Variants in CDH13 observed in about 807,000 individuals in gnomAD.
CDH13 encodes cadherin 13, also known as cadherin-13.
Under a neutral mutation model 63.8 loss-of-function variants are expected in CDH13, and 24 were observed. That is an observed-to-expected ratio of 0.38 (90% CI 0.27 to 0.53). CDH13 has a LOEUF of 0.53. Ranked by LOEUF, CDH13 falls within the 20% of genes least tolerant of loss-of-function variation. The pLI, the probability that CDH13 is intolerant of heterozygous loss-of-function variation, is 0.85. For missense variants in CDH13, 1,049 were observed against 903.1 expected (o/e 1.16, Z -2.07); for synonymous variants, 503 against 355.3 (o/e 1.42, Z -4.67).
At chr16:82,737,851 G>A (rs2033750046) in intron 1 of CDH13, among the ~76,000 whole-genome samples, 1 of 152,202 alleles carries the variant, frequency 6.6e-6, no homozygotes, top group African/African-American at 2.4e-5. Flanking sequence ...TATACAGTGT[G>A]ATGAGTTTGG....
At chr16:82,673,178 T>A (rs77810317) in intron 1 of CDH13, among the ~76,000 whole-genome samples, 2,351 of 152,014 alleles carry the variant, frequency 0.015, 42 homozygotes, top group African/African-American at 0.049. Context: ...CCCCCATCAG[T>A]GTTCGACGAA....
chr16:82,888,497 G>A (rs1455494045), intron 2 of CDH13, among the ~76,000 whole-genome samples: 1 of 152,202 alleles, frequency 6.6e-6, no homozygotes, highest in African/African-American at 2.4e-5. Context: ...GCCTCTGGCA[G>A]CCACTTCTGC....
intron 11 of CDH13, among the ~76,000 whole-genome samples, chr16:83,763,809 C>T (rs1421899988): frequency 6.6e-6 from 1 of 152,106 alleles, no homozygotes; most frequent in Non-Finnish European, 1.5e-5. Flanking sequence ...TTGTCACTGA[C>T]AAAATGGCCC....
At chr16:83,393,821 G>C (rs2091833932) in intron 6 of CDH13, among the ~76,000 whole-genome samples, 1 of 152,158 alleles carries the variant, frequency 6.6e-6, no homozygotes, top group Admixed American at 6.5e-5. Context: ...TCACCCCCTA[G>C]TGGAGGGAGA....
chr16:83,470,261 T>A (rs2151537799), intron 6 of CDH13, among the ~76,000 whole-genome samples: 1 of 152,310 alleles, frequency 6.6e-6, no homozygotes, highest in South Asian at 2.1e-4. Context: ...CTCACCATGT[T>A]GCCCAGGCTA....
At chr16:83,242,497 C>A (rs1237024264) in intron 5 of CDH13, among the ~76,000 whole-genome samples, 1 of 152,142 alleles carries the variant, frequency 6.6e-6, no homozygotes, top group African/African-American at 2.4e-5. Context: ...TTTTCTAAAT[C>A]AGATGTGTTT....
At chr16:83,145,462 T>A (rs1022901228) in intron 4 of CDH13, among the ~76,000 whole-genome samples, 2 of 152,246 alleles carry the variant, frequency 1.3e-5, no homozygotes, top group African/African-American at 2.4e-5. Context: ...TCATGAGGAC[T>A]GTTGCCGTTA....
At chr16:83,318,051 C>A (rs2090142671) in intron 5 of CDH13, among the ~76,000 whole-genome samples, 1 of 152,144 alleles carries the variant, frequency 6.6e-6, no homozygotes, top group Admixed American at 6.5e-5. Flanking sequence ...CCTCAGTTTT[C>A]CCTCTGTGAA....
chr16:82,704,917 T>C (rs936001858), intron 1 of CDH13: 6 of 329,768 alleles, frequency 1.8e-5, no homozygotes, highest in African/African-American at 1.3e-4. Context: ...TTGTTAATTG[T>C]AACAAATCAA....
At chr16:82,745,427 A>G (rs1255026227) in intron 1 of CDH13, among the ~76,000 whole-genome samples, 1 of 152,010 alleles carries the variant, frequency 6.6e-6, no homozygotes, top group Non-Finnish European at 1.5e-5. Context: ...ATACGGTGAA[A>G]CCCCGTCTCT....
At chr16:83,593,496 C>T (rs1180428005) in intron 7 of CDH13, among the ~76,000 whole-genome samples, 1 of 151,964 alleles carries the variant, frequency 6.6e-6, no homozygotes. Flanking sequence ...AAATTGACAA[C>T]AGTACAAATC....
intron 1 of CDH13, among the ~76,000 whole-genome samples, chr16:82,651,302 C>G (rs1910694304): frequency 6.6e-6 from 1 of 152,172 alleles, no homozygotes; most frequent in African/African-American, 2.4e-5. Flanking sequence ...ATATGATTAA[C>G]TTCATTTTAT....
At chr16:83,757,841 A>C (rs1478723663) in intron 11 of CDH13, among the ~76,000 whole-genome samples, 1 of 152,068 alleles carries the variant, frequency 6.6e-6, no homozygotes, top group African/African-American at 2.4e-5. Flanking sequence ...AAATAACCTA[A>C]AAAGAGGCTG....
intron 8 of CDH13, among the ~76,000 whole-genome samples, chr16:83,661,469 C>G (rs896574643): frequency 1.4e-5 from 2 of 145,118 alleles, no homozygotes; most frequent in South Asian, 2.2e-4. Flanking sequence ...GGTGACAGAG[C>G]GAGACCCTGT....
Position 83,646,712 on chromosome 16 carries a change from A to AAAC in CDH13, c.1102-24077_1102-24076insACA, listed in dbSNP as rs1168012793. 1.7e-3 allele frequency among the ~76,000 whole-genome samples: 141 copies of AAAC among 80,592 alleles called. 7 individuals are homozygous for AAAC. The highest frequency in any genetic ancestry group is 2.1e-3 in the Non-Finnish European group (87 of 40,870). 52.9% of individuals were successfully genotyped at this position (80,592 alleles called of 152,430 possible). On this transcript the variant is annotated intron_variant, in intron 8 of 13. Transcript: ENST00000567109. ...CGTCTCAAAAAAAAAAAAAAAAAAA[A>AAAC]ACACACACACACACACACACACACA...
chr16:83,233,678 C>A (rs2040067477), intron 5 of CDH13, among the ~76,000 whole-genome samples: 1 of 152,202 alleles, frequency 6.6e-6, no homozygotes, highest in Admixed American at 6.5e-5. Context: ...ACACTGACAT[C>A]TTTCCTATTC....
intron 5 of CDH13, among the ~76,000 whole-genome samples, chr16:83,240,641 G>A (rs1386566972): frequency 7.7e-6 from 1 of 129,128 alleles, no homozygotes; most frequent in African/African-American, 3.0e-5. Context: ...GTAGTGGGAA[G>A]ATTTTTTAAA....
chr16:83,238,456 C>G (rs758451452), intron 5 of CDH13, among the ~76,000 whole-genome samples: 1 of 152,156 alleles, frequency 6.6e-6, no homozygotes, highest in Admixed American at 6.5e-5. Context: ...CCAGGTCACT[C>G]CCATGACATG....
At chr16:83,559,687 G>A (rs1425780468) in intron 7 of CDH13, among the ~76,000 whole-genome samples, 3 of 152,032 alleles carry the variant, frequency 2.0e-5, no homozygotes, top group African/African-American at 7.2e-5. Flanking sequence ...CCTGAGGTAG[G>A]CACCTTAATT....
Sources: allele counts gnomAD v4.1 joint callset (sites outside exome capture counted in the v4.1 genomes callset), GRCh38; gene constraint gnomAD v4.1.1; transcripts MANE v1.5; gene names NCBI Gene and HGNC (gene_info 2026-07-23, HGNC 2026-07-21).